Variants in JAKMIP2 observed in about 807,000 individuals in gnomAD.
JAKMIP2 encodes janus kinase and microtubule interacting protein 2.
A neutral mutation model predicts 115.0 loss-of-function variants in JAKMIP2; 25 were observed. That is an observed-to-expected ratio of 0.22 (90% CI 0.16 to 0.30). JAKMIP2 has a LOEUF of 0.30. Among genes scored for constraint, JAKMIP2 ranks in the 10% least tolerant of loss-of-function variants. The pLI, the probability that JAKMIP2 is intolerant of heterozygous loss-of-function variation, is 1.00. For missense variants in JAKMIP2, 642 were observed against 957.6 expected, an observed-to-expected ratio of 0.67 and a Z score of 4.35; for synonymous variants, 334 against 343.6, an observed-to-expected ratio of 0.97 and a Z score of 0.31.
intron 21 of JAKMIP2, among the ~76,000 whole-genome samples, chr5:147,601,324 G>A (rs894171875): frequency 1.3e-5 from 2 of 152,092 alleles, no homozygotes; most frequent in East Asian, 3.9e-4. Flanking sequence ...ATATAGACCA[G>A]GCCTGATGGC....
intron 1 of JAKMIP2, among the ~76,000 whole-genome samples, chr5:147,708,676 T>C (rs1046609658): frequency 6.6e-6 from 1 of 152,210 alleles, no homozygotes; most frequent in Non-Finnish European, 1.5e-5. Flanking sequence ...CTTTTTAAAA[T>C]TGATGTATGT....
chr5:147,750,165 T>C (rs1754495211), intron 1 of JAKMIP2, among the ~76,000 whole-genome samples: 1 of 152,094 alleles, frequency 6.6e-6, no homozygotes, highest in African/African-American at 2.4e-5. Flanking sequence ...TCAGGAAAGA[T>C]CACAACCATT....
rs1296968863 is a variant in JAKMIP2, at chr5:147,585,591, A to G, written c.*6116T>C. ...ATCTCTACGGTAATACATACAGTAC[A>G]TGTACATATTCGGTGTACTTCAGAG... On this transcript the variant is annotated 3_prime_UTR_variant, in exon 22 of 22. Transcript: ENST00000616793. The G allele has an allele frequency of 6.6e-6, 1 of 152,212 alleles. No individual in the cohort carries two copies. The highest frequency in any genetic ancestry group is 6.5e-5 in the Admixed American group (1 of 15,278). The allele number at this position is 152,212 out of a possible 1,614,324, so 9.4% of individuals were successfully genotyped here.
intron 5 of JAKMIP2, among the ~76,000 whole-genome samples, chr5:147,647,000 T>G (rs1295853602): frequency 6.6e-6 from 1 of 151,876 alleles, no homozygotes; most frequent in Admixed American, 6.6e-5. Context: ...TAAACAAGAT[T>G]ATTAACAAAC....
At chr5:147,699,764 G>A (rs1752251278) in intron 1 of JAKMIP2, among the ~76,000 whole-genome samples, 1 of 152,208 alleles carries the variant, frequency 6.6e-6, no homozygotes, top group Admixed American at 6.5e-5. Flanking sequence ...CTGGGGATAG[G>A]CAACAAATGC....
Position 147,610,287 on chromosome 5 carries a change from C to A in JAKMIP2, c.2412+2019G>T, listed in dbSNP as rs190431071. On this transcript the variant is annotated intron_variant, in intron 20 of 21. Coordinates refer to ENST00000616793, the MANE Select transcript of JAKMIP2 (RefSeq NM_001270941.2). Reference sequence around the variant, plus strand: ...GCATTCTGGTTTTTGGAATTTTCAGCCTTTTTGTGCTGGTTTTTCCTCATC... The same window carrying A: ...GCATTCTGGTTTTTGGAATTTTCAGACTTTTTGTGCTGGTTTTTCCTCATC... Among the ~76,000 whole-genome samples, 602 of 152,268 alleles carry A rather than the reference C, an allele frequency of 4.0e-3. 3 individuals are homozygous for A. The highest frequency in any genetic ancestry group is 0.01 in the Middle Eastern group (3 of 294).
At chr5:147,623,773 C>G in intron 16 of JAKMIP2, 84 bp from the exon 17 acceptor site, 1 of 780,574 alleles carries the variant, frequency 1.3e-6, no homozygotes, top group African/African-American at 1.7e-5. Flanking sequence ...TGCTCCGTCT[C>G]CTCCCCTTAT....
chr5:147,700,504 C>A (rs535616481), intron 1 of JAKMIP2, among the ~76,000 whole-genome samples: 1 of 152,186 alleles, frequency 6.6e-6, no homozygotes, highest in South Asian at 2.1e-4. Flanking sequence ...ATGTCTCATG[C>A]AGTTTCTAGG....
chr5:147,632,668 T>C lies in JAKMIP2; in HGVS notation c.1776+12A>G, dbSNP rs760907979. ...ACGATTATTTTTATTATTATCATCA[T>C]CATTTCCTTACTTCTAGCTCTAGGT... On this transcript the variant is annotated intron_variant, in intron 13 of 21. Coordinates refer to ENST00000616793, the MANE Select transcript of JAKMIP2 (RefSeq NM_001270941.2). 4 of 1,495,640 alleles carry C rather than the reference T, an allele frequency of 2.7e-6. No homozygotes were observed. The highest frequency in any genetic ancestry group is 1.4e-5 in the African/African-American group (1 of 72,388). 92.6% of individuals were successfully genotyped at this position (1,495,640 alleles called of 1,614,324 possible).
intron 10 of JAKMIP2, 22 bp from the exon 11 acceptor site, chr5:147,637,070 A>G: frequency 1.1e-6 from 1 of 872,160 alleles, no homozygotes; most frequent in Admixed American, 1.7e-5. Flanking sequence ...AAAATTCCAG[A>G]ACTCAGCAAG....
Position 147,618,105 on chromosome 5 carries a change from C to A in JAKMIP2, c.2152G>T (p.Glu718Ter). ...GCATTGTACAAAGTAGCTTCTAGTT[C>A]CTGGATTCTCTGGCAAATAGAATTA... ...ALDQAYMRIQ[E>*]LEATLYNALQ... Residue 718 changes from glutamate to a stop codon, truncating the protein, a stop_gained, in exon 19 of 22, where the codon GAA becomes TAA. Transcript: ENST00000616793. LOFTEE classifies it high-confidence loss of function. 1 of 1,612,860 alleles carries A rather than the reference C, an allele frequency of 6.2e-7. No individual in the cohort carries two copies. The highest frequency in any genetic ancestry group is 8.5e-7 in the Non-Finnish European group (1 of 1,178,874).
At chr5:147,754,951 G>A (rs748339415) in intron 1 of JAKMIP2, among the ~76,000 whole-genome samples, 12 of 152,118 alleles carry the variant, frequency 7.9e-5, no homozygotes, top group Non-Finnish European at 1.3e-4. Flanking sequence ...AAGGAGCTTT[G>A]GGGGTAGGTG....
At chr5:147,686,866 G>A (rs1271250764) in intron 1 of JAKMIP2, among the ~76,000 whole-genome samples, 3 of 151,896 alleles carry the variant, frequency 2.0e-5, no homozygotes, top group Non-Finnish European at 2.9e-5. Context: ...TTATTACCTG[G>A]CACATGAAAC....
chr5:147,720,866 G>A (rs1463109087), intron 1 of JAKMIP2, among the ~76,000 whole-genome samples: 28 of 151,962 alleles, frequency 1.8e-4, no homozygotes, highest in African/African-American at 4.6e-4. Flanking sequence ...GTCATTCTCC[G>A]TCCAGCTTTG....
intron 1 of JAKMIP2, among the ~76,000 whole-genome samples, chr5:147,736,593 A>G (rs1250438410): frequency 6.6e-6 from 1 of 152,062 alleles, no homozygotes; most frequent in African/African-American, 2.4e-5. Flanking sequence ...TTTAATCAAA[A>G]CCCTGTACTT....
Position 147,590,384 on chromosome 5 carries a change from T to C in JAKMIP2, c.*1323A>G, listed in dbSNP as rs537642007. On this transcript the variant is annotated 3_prime_UTR_variant, in exon 22 of 22. Coordinates refer to ENST00000616793, the MANE Select transcript of JAKMIP2 (RefSeq NM_001270941.2). ...CAGAGATGACTCCAAGACTCAGTAA[T>C]ACACAACTTAGGAAAAGTACCAGTC... The C allele has an allele frequency of 2.6e-4, 39 of 152,292 alleles. No individual in the cohort carries two copies. Among genetic ancestry groups the C allele is most frequent in the African/African-American group, 9.4e-4 (39 of 41,572 alleles). 9.4% of individuals were successfully genotyped at this position (152,292 alleles called of 1,614,324 possible).
chr5:147,714,741 G>T (rs898489043), intron 1 of JAKMIP2, among the ~76,000 whole-genome samples: 1 of 152,154 alleles, frequency 6.6e-6, no homozygotes, highest in Non-Finnish European at 1.5e-5. Flanking sequence ...CTTCTCAACA[G>T]CAACACAAGA....
At chr5:147,688,890 G>T (rs751613031) in intron 1 of JAKMIP2, among the ~76,000 whole-genome samples, 54 of 152,294 alleles carry the variant, frequency 3.5e-4, no homozygotes, top group Middle Eastern at 3.4e-3. Context: ...GACATACATC[G>T]TTGGCTCATG....
intron 1 of JAKMIP2, among the ~76,000 whole-genome samples, chr5:147,681,782 C>T (rs950143476): frequency 5.9e-5 from 9 of 151,984 alleles, no homozygotes; most frequent in African/African-American, 1.2e-4. Flanking sequence ...AGGCTCACAC[C>T]GGTAATCCCA....
Sources: allele counts gnomAD v4.1 joint callset (sites outside exome capture counted in the v4.1 genomes callset), GRCh38; gene constraint gnomAD v4.1.1; transcripts MANE v1.5; gene names NCBI Gene and HGNC (gene_info 2026-07-23, HGNC 2026-07-21).